The following DNAH3 variants were observed in gnomAD, a reference collection of about 807,000 sequenced individuals.
The protein encoded by DNAH3 is dynein axonemal heavy chain 3, also known as axonemal beta dynein heavy chain 3.
A neutral mutation model predicts 432.5 loss-of-function variants in DNAH3; 332 were observed. The observed-to-expected ratio is 0.77, with a 90% CI of 0.70 to 0.84. The LOEUF (loss-of-function observed/expected upper bound fraction) is 0.84. Ranked by LOEUF, DNAH3 falls within the 40% of genes least tolerant of loss-of-function variation. DNAH3 has a pLI of 0.00. For synonymous variants in DNAH3, 1,956 were observed against 1,900.2 expected (o/e 1.03, Z -0.76); for missense variants, 4,861 against 5,114.0 (o/e 0.95, Z 1.51).
At chr16:21,077,068 T>C (rs1198475639) in intron 20 of DNAH3, among the ~76,000 whole-genome samples, 1 of 152,176 alleles carries the variant, frequency 6.6e-6, no homozygotes. Flanking sequence ...GGGTGGGAAA[T>C]GGCCCCCAGT....
intron 5 of DNAH3, among the ~76,000 whole-genome samples, chr16:21,139,668 A>G (rs2092693434): frequency 6.7e-6 from 1 of 149,666 alleles, no homozygotes; most frequent in Non-Finnish European, 1.5e-5. Flanking sequence ...GGGTTTCTCC[A>G]TGTTACCCAG....
rs11866389 is a variant in DNAH3, at chr16:21,158,902, G to A, written c.117+423C>T. ...TTTCTGCCCCGGGGTTAGTGTAAGG[G>A]GCGTCTCCTGCTTATGAGTCGCCGG... On this transcript the variant is annotated intron_variant, in intron 1 of 61. Coordinates refer to ENST00000261383, the Ensembl canonical transcript of DNAH3. 3.4e-3 allele frequency among the ~76,000 whole-genome samples: 512 copies of A among 152,098 alleles called. 2 individuals carry two copies. The highest frequency in any genetic ancestry group is 0.011 in the African/African-American group (460 of 41,502).
chr16:21,048,650 G>A (rs912941634), intron 31 of DNAH3, among the ~76,000 whole-genome samples: 13 of 151,878 alleles, frequency 8.6e-5, no homozygotes, highest in Admixed American at 6.6e-4. Context: ...CGTCGCTCAC[G>A]CTGGGAGCTG....
At chr16:20,972,970 G>A (rs926060535) in intron 51 of DNAH3, among the ~76,000 whole-genome samples, 16 of 151,466 alleles carry the variant, frequency 1.1e-4, no homozygotes, top group South Asian at 6.3e-4. Flanking sequence ...CTAAAGTGAT[G>A]CACCTGCCTC....
At chr16:21,026,388 T>C (rs9924585) in intron 38 of DNAH3, among the ~76,000 whole-genome samples, 36,323 of 151,820 alleles carry the variant, frequency 0.24, 4,554 homozygotes, top group Admixed American at 0.31. Flanking sequence ...GAGCTAAACA[T>C]TGAGTACACA....
At chr16:20,984,971 G>T in intron 48 of DNAH3, 78 bp downstream of exon 48, 1 of 1,224,424 alleles carries the variant, frequency 8.2e-7, no homozygotes, top group Non-Finnish European at 1.1e-6. Context: ...CATTGTAAGG[G>T]ATTGGCCTGC....
At chr16:21,148,437 TATTTA>T (rs2092813375) in intron 1 of DNAH3, among the ~76,000 whole-genome samples, 3 of 143,256 alleles carry the variant, frequency 2.1e-5, no homozygotes, top group African/African-American at 7.9e-5. Flanking sequence ...TTATTATTAT[TATTTA>T]TTTTTTTTTT....
chr16:21,088,046 CT>C (rs2091430947), intron 18 of DNAH3, among the ~76,000 whole-genome samples: 1 of 152,044 alleles, frequency 6.6e-6, no homozygotes. Context: ...GCTGCTGCCC[CT>C]GCTTGGATAT....
chr16:21,154,951 CTT>C (rs772054168), intron 1 of DNAH3, among the ~76,000 whole-genome samples: 14 of 134,622 alleles, frequency 1.0e-4, no homozygotes, highest in Admixed American at 1.5e-4. Flanking sequence ...TTCTTTCTTT[CTT>C]TTTTTTTTTT....
chr16:21,027,481 GTATT>G (rs1567661620), intron 37 of DNAH3, among the ~76,000 whole-genome samples: 1 of 152,240 alleles, frequency 6.6e-6, no homozygotes, highest in African/African-American at 2.4e-5. Flanking sequence ...ACCTAAGTGT[GTATT>G]TATTTAGTGA....
rs758296989 is a variant in DNAH3, at chr16:20,969,960, T to C, written c.8290A>G (p.Met2764Val). ...GCTAGTGCAGCCTCGAGTGCAGGCA[T>C]TGCCTCAGCTAGGTCCCCCTCACAT... The change falls in exon 52 of 62, where the codon ATG becomes GTG. Residue 2764 changes from methionine to valine, a missense_variant. Met to Val is a conservative substitution (Grantham distance 21). Coordinates refer to ENST00000261383, the Ensembl canonical transcript of DNAH3. 6.8e-6 allele frequency: 11 copies of C among 1,614,076 alleles called. No homozygotes were observed. In the East Asian group the frequency reaches 1.6e-4, roughly 23 times the overall value.
exon 7 of DNAH3, chr16:21,134,321 G>A (rs201753088): frequency 5.5e-5 from 89 of 1,614,070 alleles, no homozygotes; most frequent in East Asian, 4.9e-4. Context: ...GATGCTCCTC[G>A]TTCCACTTCT....
intron 18 of DNAH3, among the ~76,000 whole-genome samples, chr16:21,096,287 A>G (rs1363385425): frequency 6.6e-6 from 1 of 151,642 alleles, no homozygotes; most frequent in Non-Finnish European, 1.5e-5. Context: ...GTGCACCATC[A>G]CACTTGGCTG....
intron 25 of DNAH3, 68 bp downstream of exon 25, chr16:21,062,414 T>C: frequency 7.3e-7 from 1 of 1,366,262 alleles, no homozygotes; most frequent in South Asian, 1.2e-5. Flanking sequence ...GTCCCAGTGC[T>C]TAGCCAATAC....
chr16:20,951,827 G>C (rs1473724762), intron 56 of DNAH3, among the ~76,000 whole-genome samples: 1 of 142,002 alleles, frequency 7.0e-6, no homozygotes, highest in South Asian at 2.2e-4. Context: ...TGCAACCTCT[G>C]CCTCCCCACT....
rs377135316 is a variant in DNAH3 at position 21,085,615 on chromosome 16, C to T, written c.2877+1234G>A. ...ACATCACCCCATCCTTTGGTTAGGT[C>T]TCCAGTTCAAGACTTTTTGGGAAAC... On this transcript the variant is annotated intron_variant, in intron 19 of 61. Coordinates refer to ENST00000261383, the Ensembl canonical transcript of DNAH3. 1.4e-4 allele frequency among the ~76,000 whole-genome samples: 21 copies of T among 151,670 alleles called. No individual in the cohort carries two copies. The East Asian group carries it at 3.3e-3, about 24-fold the overall frequency.
chr16:21,113,235 AGGG>A (rs1272533985), intron 12 of DNAH3, among the ~76,000 whole-genome samples: 3 of 152,172 alleles, frequency 2.0e-5, no homozygotes, highest in Non-Finnish European at 4.4e-5. Context: ...GGAGGGACCC[AGGG>A]GGAGGTAGTT....
At chr16:21,131,583 C>T (rs1270903095) in intron 7 of DNAH3, among the ~76,000 whole-genome samples, 1 of 152,008 alleles carries the variant, frequency 6.6e-6, no homozygotes, top group Non-Finnish European at 1.5e-5. Context: ...GACGTGGTGG[C>T]TCTTGCCTGT....
Position 21,076,937 on chromosome 16 carries a change from G to A in DNAH3, c.2970-1376C>T. Among the ~76,000 whole-genome samples, 2 of 152,096 alleles carry A rather than the reference G, an allele frequency of 1.3e-5. 1 individual carries two copies. The highest frequency in any genetic ancestry group is 2.9e-5 in the Non-Finnish European group (2 of 68,034). ...GGAGCTGTACCGTACCTTCTAGGGTGTTGAGCAGCATCCCTGGTCTCTACC... is the reference window on the plus strand; with the variant it reads ...GGAGCTGTACCGTACCTTCTAGGGTATTGAGCAGCATCCCTGGTCTCTACC... On this transcript the variant is annotated intron_variant, in intron 20 of 61. Coordinates refer to ENST00000261383, the Ensembl canonical transcript of DNAH3.
Sources: allele counts gnomAD v4.1 joint callset (sites outside exome capture counted in the v4.1 genomes callset), GRCh38; gene constraint gnomAD v4.1.1; transcripts MANE v1.5; gene names NCBI Gene and HGNC (gene_info 2026-07-23, HGNC 2026-07-21).